NKAIN3: variants seen among roughly 807,000 people sequenced by gnomAD.
NKAIN3 encodes the protein sodium/potassium-transporting ATPase subunit beta-1-interacting protein 3.
A neutral mutation model predicts 30.2 loss-of-function variants in NKAIN3; 25 were observed. That is an observed-to-expected ratio of 0.83 (90% CI 0.60 to 1.16). The LOEUF (loss-of-function observed/expected upper bound fraction) is 1.16, where lower values mean the gene tolerates loss of function less well. NKAIN3 is among the 50% of genes most tolerant of loss of function. NKAIN3 has a pLI of 0.00. For missense variants in NKAIN3, 225 were observed against 254.1 expected (o/e 0.89, Z 0.78); for synonymous variants, 91 against 89.6 (o/e 1.02, Z -0.09).
intron 1 of NKAIN3, among the ~76,000 whole-genome samples, chr8:62,386,347 T>G (rs1817424571): frequency 1.3e-5 from 2 of 152,182 alleles, no homozygotes; most frequent in Admixed American, 1.3e-4. Flanking sequence ...GAAAAGCTCC[T>G]AATAAAATAT....
At position 62,581,882 on chromosome 8, in the gene NKAIN3, A is replaced by AT. The variant is rs1563469032; in HGVS notation, c.192+2206_192+2207insT. The stretch of plus-strand genomic sequence containing the variant: ...CACCCATCCTCACTCCCTTCCTTCT[A>AT]CCCTTCCTCCCTCCCTTCCTTCTTT... On this transcript the variant is annotated intron_variant, in intron 2 of 6. Transcript: ENST00000623646. 2.9e-3 allele frequency among the ~76,000 whole-genome samples: 19 copies of AT among 6,532 alleles called. 2 individuals carry two copies. Among genetic ancestry groups the AT allele is most frequent in the African/African-American group, 0.011 (17 of 1,546 alleles). The allele number at this position is 6,532 out of a possible 152,430, so 4.3% of individuals were successfully genotyped here. A position where few individuals can be genotyped will look rare whatever the true frequency, so the allele number is the denominator to read the frequency against.
intron 1 of NKAIN3, among the ~76,000 whole-genome samples, chr8:62,460,483 G>A (rs775145794): frequency 6.6e-6 from 1 of 151,626 alleles, no homozygotes; most frequent in Admixed American, 6.6e-5. Flanking sequence ...TAGAAATTAA[G>A]TAAAGTCTTA....
Position 62,904,366 on chromosome 8 carries a change from A to T in NKAIN3, c.472-14087A>T, listed in dbSNP as rs186398264. ...CAAGTGTTTGGTTTCATGTAAAATC[A>T]ACCAAAGTTAACCCATAAATGAAAA... On this transcript the variant is annotated intron_variant, in intron 4 of 6. Transcript: ENST00000623646. Among the ~76,000 whole-genome samples the T allele has an allele frequency of 6.6e-5, 10 of 152,346 alleles. No individual in the cohort carries two copies. In the East Asian group the frequency reaches 1.5e-3, roughly 23 times the overall value.
chr8:62,646,217 T>A (rs373008711), intron 3 of NKAIN3, among the ~76,000 whole-genome samples: 28 of 151,538 alleles, frequency 1.8e-4, no homozygotes, highest in African/African-American at 6.8e-4. Context: ...GAAACAGTTT[T>A]ATCCTCCCAT....
intron 1 of NKAIN3, among the ~76,000 whole-genome samples, chr8:62,566,279 T>C (rs1287791427): frequency 6.6e-6 from 1 of 152,140 alleles, no homozygotes; most frequent in East Asian, 1.9e-4. Flanking sequence ...TATTCTGTGT[T>C]CCTTTGGCTC....
chr8:62,682,402 G>A (rs1219086926), intron 3 of NKAIN3, among the ~76,000 whole-genome samples: 1 of 152,116 alleles, frequency 6.6e-6, no homozygotes, highest in Non-Finnish European at 1.5e-5. Context: ...AGGGGAACTG[G>A]GAAAAGACCA....
At chr8:62,576,799 A>T (rs1810123859) in intron 1 of NKAIN3, among the ~76,000 whole-genome samples, 1 of 152,124 alleles carries the variant, frequency 6.6e-6, no homozygotes, top group Non-Finnish European at 1.5e-5. Flanking sequence ...GAGCCATTTT[A>T]ACAGAGATAT....
In NKAIN3 at chr8:62,379,117, A is replaced by G. The variant is rs534549103; in HGVS notation, c.54+129990A>G. Among the ~76,000 whole-genome samples the G allele has an allele frequency of 7.2e-5, 11 of 152,328 alleles. No homozygotes were observed. In the South Asian group the frequency reaches 2.3e-3, roughly 32 times the overall value. The stretch of plus-strand genomic sequence containing the variant: ...CAAAGGAGATAAGTTTGGAAATTTA[A>G]GGTTTAATGACAACTCTGTTGGATT... On this transcript the variant is annotated intron_variant, in intron 1 of 6. Coordinates refer to ENST00000623646, the MANE Select transcript of NKAIN3 (RefSeq NM_001304533.3).
chr8:62,452,654 G>A (rs1805682900), intron 1 of NKAIN3, among the ~76,000 whole-genome samples: 1 of 151,970 alleles, frequency 6.6e-6, no homozygotes, highest in Non-Finnish European at 1.5e-5. Context: ...ATATTTTGAG[G>A]AAAAACAAAA....
At chr8:62,864,127 G>T (rs1820346311) in intron 4 of NKAIN3, 1 of 618,804 alleles carries the variant, frequency 1.6e-6, no homozygotes, top group Non-Finnish European at 2.9e-6. Context: ...GGAGGTGATG[G>T]CGACGCGAGC....
chr8:62,401,986 T>C (rs530899922), intron 1 of NKAIN3, among the ~76,000 whole-genome samples: 2 of 152,270 alleles, frequency 1.3e-5, no homozygotes, highest in African/African-American at 4.8e-5. Context: ...CATCCAGGCT[T>C]TTCTCTCAAC....
chr8:62,823,863 C>T (rs1468684566), intron 4 of NKAIN3, among the ~76,000 whole-genome samples: 4 of 152,166 alleles, frequency 2.6e-5, no homozygotes, highest in African/African-American at 9.7e-5. Flanking sequence ...TAAAATCAAA[C>T]TCTCACACCA....
chr8:62,299,423 T>C (rs775132879), intron 1 of NKAIN3, among the ~76,000 whole-genome samples: 30 of 152,078 alleles, frequency 2.0e-4, no homozygotes, highest in Non-Finnish European at 4.1e-4. Flanking sequence ...GATGATGGGA[T>C]TGGAAATGCT....
intron 1 of NKAIN3, among the ~76,000 whole-genome samples, chr8:62,262,046 G>A (rs1442163491): frequency 6.6e-6 from 1 of 152,084 alleles, no homozygotes; most frequent in African/African-American, 2.4e-5. Flanking sequence ...AAAAAAAAGA[G>A]TCACTCTTCT....
At chr8:62,719,871 C>T (rs1198158423) in intron 3 of NKAIN3, among the ~76,000 whole-genome samples, 1 of 150,868 alleles carries the variant, frequency 6.6e-6, no homozygotes, top group South Asian at 2.1e-4. Context: ...ATTCTCCTGC[C>T]TCAGCCTCCC....
At chr8:62,954,455 G>T (rs929527142) in intron 6 of NKAIN3, among the ~76,000 whole-genome samples, 1 of 152,122 alleles carries the variant, frequency 6.6e-6, no homozygotes, top group African/African-American at 2.4e-5. Context: ...TATATGTAAA[G>T]CTGCCTATTA....
At chr8:62,611,947 AT>A (rs1310983018) in intron 3 of NKAIN3, among the ~76,000 whole-genome samples, 1 of 151,978 alleles carries the variant, frequency 6.6e-6, no homozygotes, top group East Asian at 1.9e-4. Flanking sequence ...CCTTGCCAGC[AT>A]TTGTTATTGC....
chr8:62,998,952 C>T (rs1044289532), intron 5 of NKAIN3, among the ~76,000 whole-genome samples: 4 of 152,162 alleles, frequency 2.6e-5, no homozygotes, highest in African/African-American at 9.7e-5. Context: ...TTTTAATTTG[C>T]ATTTCCCTAA....
At chr8:62,682,116 A>G (rs1813660940) in intron 3 of NKAIN3, among the ~76,000 whole-genome samples, 1 of 152,160 alleles carries the variant, frequency 6.6e-6, no homozygotes, top group South Asian at 2.1e-4. Context: ...TGAAGGAAGC[A>G]GATTGCTCCT....
Sources: gnomAD v4.1 joint callset for allele counts (sites outside exome capture counted in the v4.1 genomes callset) on GRCh38, gnomAD v4.1.1 for gene constraint, MANE v1.5 for transcripts, NCBI Gene and HGNC (gene_info 2026-07-23, HGNC 2026-07-21) for gene names.